Variants in GABBR1 observed in about 807,000 individuals in gnomAD.
GABBR1 encodes gamma-aminobutyric acid type B receptor subunit 1.
A neutral mutation model predicts 117.7 loss-of-function variants in GABBR1; 35 were observed. That is an observed-to-expected ratio of 0.30 (90% CI 0.23 to 0.39). The LOEUF (loss-of-function observed/expected upper bound fraction) is 0.39. Ranked by LOEUF, GABBR1 falls within the 10% of genes least tolerant of loss-of-function variation. The pLI is 1.00. For synonymous variants in GABBR1, 442 were observed against 486.6 expected (o/e 0.91, Z 1.21); for missense variants, 709 against 1,241.8 (o/e 0.57, Z 6.45).
At chr6:29,615,907 A>C (rs1763041340) in intron 11 of GABBR1, among the ~76,000 whole-genome samples, 1 of 152,060 alleles carries the variant, frequency 6.6e-6, no homozygotes, top group Admixed American at 6.5e-5. Context: ...TCTCTATGAA[A>C]AATACAAAAA....
Position 29,611,213 on chromosome 6 carries a change from A to G in GABBR1, c.1631-212T>C. On this transcript the variant is annotated intron_variant, in intron 13 of 22. Coordinates refer to ENST00000377034, the MANE Select transcript of GABBR1 (RefSeq NM_001470.4). The surrounding 1 kb of genome is among the most constrained non-coding windows in gnomAD (Gnocchi z 4.6). Reference sequence around the variant, plus strand: ...AGGTGGTTCCCAAGACAACTCAAATAAATAAGAATATCTATGTTTAAAAGT... The same window carrying G: ...AGGTGGTTCCCAAGACAACTCAAATGAATAAGAATATCTATGTTTAAAAGT... 2.0e-6 allele frequency: 1 copy of G among 498,936 alleles called. No individual in the cohort carries two copies. Among genetic ancestry groups the G allele is most frequent in the Non-Finnish European group, 3.6e-6 (1 of 280,436 alleles). The allele number at this position is 498,936 out of a possible 1,614,324, so 30.9% of individuals were successfully genotyped here. A position where few individuals can be genotyped will look rare whatever the true frequency, so the allele number is the denominator to read the frequency against.
At position 29,605,644 on chromosome 6, in the gene GABBR1, A is replaced by T. The variant is rs1761866735; in HGVS notation, c.2364T>A (p.Ala788=). 1 of 1,613,038 alleles carries T rather than the reference A, an allele frequency of 6.2e-7. No individual in the cohort carries two copies. The highest frequency in any genetic ancestry group is 8.5e-7 in the Non-Finnish European group (1 of 1,180,032). ...CAGTGGACACACTCTTGGTCTCATAAGCAAGGAAGATTCCCAGCAGCAGCA... is the reference window on the plus strand; with the variant it reads ...CAGTGGACACACTCTTGGTCTCATATGCAAGGAAGATTCCCAGCAGCAGCA... The part of the protein sequence containing the change: ...GLLLLLGIFL[A]YETKSVSTEK... The change falls in exon 20 of 23, where the codon GCT becomes GCA. Residue 788 remains alanine, a synonymous_variant. Transcript: ENST00000377034. This position sits in a 1 kb window ranked among gnomAD's most constrained non-coding sequence, Gnocchi z 4.2.
chr6:29,623,209 T>G lies in GABBR1; in HGVS notation c.963+96A>C, dbSNP rs1306380346. On this transcript the variant is annotated intron_variant, in intron 8 of 22. Coordinates refer to ENST00000377034, the MANE Select transcript of GABBR1 (RefSeq NM_001470.4). This position sits in a 1 kb window ranked among gnomAD's most constrained non-coding sequence, Gnocchi z 6.2. ...GAATGCGTTCTCTTTCAATGAAGAA[T>G]CAAGTTCTTGCCCCTAAAAGTGACT... 1.8e-6 allele frequency: 2 copies of G among 1,094,620 alleles called. No individual in the cohort carries two copies. The highest frequency in any genetic ancestry group is 3.1e-5 in the African/African-American group (2 of 63,628). 67.8% of individuals were successfully genotyped at this position (1,094,620 alleles called of 1,614,324 possible). A position where few individuals can be genotyped will look rare whatever the true frequency, so the allele number is the denominator to read the frequency against.
chr6:29,629,240 G>T (rs773059543), intron 4 of GABBR1, 133 bp from the exon 5 acceptor site: 1 of 998,192 alleles, frequency 1.0e-6, no homozygotes, highest in South Asian at 1.3e-5. Context: ...TTTCTGAGGG[G>T]AGGGTGCCTG....
In GABBR1 at chr6:29,603,672, C is replaced by T. The variant is rs1360040528; in HGVS notation, c.2757G>A (p.Arg919=). ...VSELRHQLQS[R]QQLRSRRHPP... Reference sequence around the variant, plus strand: ...GGTGGCGCCGGGAGCGGAGCTGCTGCCGAGACTGGAGTTGATGGCGCAGTT... The same window carrying T: ...GGTGGCGCCGGGAGCGGAGCTGCTGTCGAGACTGGAGTTGATGGCGCAGTT... The change falls in exon 23 of 23, where the codon CGG becomes CGA. Residue 919 remains arginine, a synonymous_variant. Coordinates refer to ENST00000377034, the MANE Select transcript of GABBR1 (RefSeq NM_001470.4). 12 of 1,513,134 alleles carry T rather than the reference C, an allele frequency of 7.9e-6. No individual in the cohort carries two copies. The highest frequency in any genetic ancestry group is 1.4e-5 in the African/African-American group (1 of 71,506). 93.7% of individuals were successfully genotyped at this position (1,513,134 alleles called of 1,614,324 possible). A position where few individuals can be genotyped will look rare whatever the true frequency, so the allele number is the denominator to read the frequency against.
In GABBR1 at chr6:29,632,303, T is replaced by C; in HGVS notation, c.83A>G (p.Glu28Gly). The change falls in exon 2 of 23, where the codon GAA becomes GGA. Residue 28 changes from glutamate to glycine, a missense_variant and splice_region_variant. Coordinates refer to ENST00000377034, the MANE Select transcript of GABBR1 (RefSeq NM_001470.4). The surrounding 1 kb of genome is among the most constrained non-coding windows in gnomAD (Gnocchi z 5.8). Reference protein sequence around the residue: ...GGAQTPNATSEGCQIIHPPWE... With the variant: ...GGAQTPNATSGGCQIIHPPWE... ...GAGGTCGTCGAAGAAGGATGCACCT[T>C]CTGAGGTGGCGTTGGGGGTCTGCGC... The C allele has an allele frequency of 7.3e-7, 1 of 1,378,108 alleles. No individual in the cohort carries two copies. Among genetic ancestry groups the C allele is most frequent in the Non-Finnish European group, 9.4e-7 (1 of 1,062,600 alleles). The allele number at this position is 1,378,108 out of a possible 1,614,324, so 85.4% of individuals were successfully genotyped here. A position where few individuals can be genotyped will look rare whatever the true frequency, so the allele number is the denominator to read the frequency against.
chr6:29,603,000 T>C lies in GABBR1; in HGVS notation c.*543A>G. 2.2e-6 allele frequency: 1 copy of C among 456,820 alleles called. No homozygotes were observed. Among genetic ancestry groups the C allele is most frequent in the South Asian group, 1.5e-5 (1 of 64,574 alleles). 28.3% of individuals were successfully genotyped at this position (456,820 alleles called of 1,614,324 possible). ...AGCAGAGGCAAGGAGCATGTGAGCC[T>C]TGGCGAAAAGAATGAGCTCCCAAAG... On this transcript the variant is annotated 3_prime_UTR_variant, in exon 23 of 23. Transcript: ENST00000377034.
chr6:29,617,591 C>T (rs1249185234), intron 11 of GABBR1, among the ~76,000 whole-genome samples: 5 of 152,158 alleles, frequency 3.3e-5, no homozygotes, highest in Admixed American at 1.3e-4. Context: ...TGAGCCACCG[C>T]GCCCAGCCTC....
rs1312519961 is a variant in GABBR1 at position 29,630,762 on chromosome 6, CAT to C, written c.290-121_290-120del. On this transcript the variant is annotated intron_variant, in intron 3 of 22. Transcript: ENST00000377034. This position sits in a 1 kb window ranked among gnomAD's most constrained non-coding sequence, Gnocchi z 4.9. ...AAGCATCCTGCTCTAAAGAAAATCA[CAT>C]GTGAAAAGGATTTGCCTACCTATCT... The C allele has an allele frequency of 7.4e-5, 57 of 767,392 alleles. No homozygotes were observed. In the Admixed American group the frequency reaches 1.6e-3, roughly 22 times the overall value. 47.5% of individuals were successfully genotyped at this position (767,392 alleles called of 1,614,324 possible). A position where few individuals can be genotyped will look rare whatever the true frequency, so the allele number is the denominator to read the frequency against.
In GABBR1 at chr6:29,606,474, T is replaced by G; in HGVS notation, c.2228A>C (p.Lys743Thr). Residue 743 changes from lysine to threonine, a missense_variant, in exon 19 of 23, where the codon AAG becomes ACG. Physicochemically the swap from Lys to Thr is moderately conservative, Grantham distance 78. This residue lies in a region of GABBR1 where 251 missense variants were observed against 445.3 expected (regional missense o/e 0.56). Transcript: ENST00000377034. The surrounding 1 kb of genome is among the most constrained non-coding windows in gnomAD (Gnocchi z 4.5). ...GTCAATATCTTCCTTAGGTTCCTCCTTGGCAAATGTCTAGGGCAGAAACAA... is the reference window on the plus strand; with the variant it reads ...GTCAATATCTTCCTTAGGTTCCTCCGTGGCAAATGTCTAGGGCAGAAACAA... ...PLHRTIETFA[K>T]EEPKEDIDVS... is the part of the protein sequence containing the mutation. The G allele has an allele frequency of 1.2e-6, 2 of 1,611,416 alleles. No individual in the cohort carries two copies. The highest frequency in any genetic ancestry group is 1.7e-6 in the Non-Finnish European group (2 of 1,178,454).
In GABBR1 at chr6:29,613,127, G is replaced by A. The variant is rs1762725650; in HGVS notation, c.1566+116C>T. The A allele has an allele frequency of 1.8e-6, 2 of 1,140,772 alleles. No individual in the cohort carries two copies. Among genetic ancestry groups the A allele is most frequent in the East Asian group, 4.7e-5 (2 of 42,206 alleles). 70.7% of individuals were successfully genotyped at this position (1,140,772 alleles called of 1,614,324 possible). On this transcript the variant is annotated intron_variant, in intron 12 of 22. Transcript: ENST00000377034. The surrounding 1 kb of genome is among the most constrained non-coding windows in gnomAD (Gnocchi z 4.1). ...GTCCCTACTTCTCTGGTCGGAGACT[G>A]ATTCTGCAAAGAAGTAACTGAGAAA...
Position 29,604,536 on chromosome 6 carries a change from C to G in GABBR1, c.2670G>C (p.Leu890=). 6.2e-7 allele frequency: 1 copy of G among 1,613,338 alleles called. No homozygotes were observed. Among genetic ancestry groups the G allele is most frequent in the Non-Finnish European group, 8.5e-7 (1 of 1,180,048 alleles). ...CCAGTTCACGGTTCTCCTTCTCCAA[C>G]AGCCGGGACTTCTCCTCCTCGTTGT... ...TNNNEEEKSR[L]LEKENRELEK... The change falls in exon 22 of 23, where the codon CTG becomes CTC. Residue 890 remains leucine, a synonymous_variant. Transcript: ENST00000377034. The surrounding 1 kb of genome is among the most constrained non-coding windows in gnomAD (Gnocchi z 5.3).
chr6:29,619,813 T>C (rs910863086), intron 11 of GABBR1, among the ~76,000 whole-genome samples: 1 of 152,248 alleles, frequency 6.6e-6, no homozygotes, highest in Non-Finnish European at 1.5e-5. Context: ...TCTTGGGTAC[T>C]CTACAGGAAA....
intron 11 of GABBR1, among the ~76,000 whole-genome samples, chr6:29,618,798 A>C (rs1763442227): frequency 6.6e-6 from 1 of 152,228 alleles, no homozygotes; most frequent in African/African-American, 2.4e-5. Flanking sequence ...CATTTTGAGC[A>C]AGATAATTCT....
At chr6:29,624,063 G>A in intron 6 of GABBR1, 39 bp from the exon 7 acceptor site, 1 of 1,552,286 alleles carries the variant, frequency 6.4e-7, no homozygotes, top group East Asian at 2.3e-5. Flanking sequence ...CTCTCCTGGG[G>A]CCCCTCCCCT....
chr6:29,621,186 T>C lies in GABBR1; in HGVS notation c.1238A>G (p.Asp413Gly). ...IYDPSINCTV[D>G]EMTEAVEGHI... ...GCCCTCCACCGCCTCAGTCATCTCA[T>C]CCACTGTGCAGTTGATAGAAGGGTC... The change falls in exon 11 of 23, where the codon GAT becomes GGT. Residue 413 changes from aspartate (D) to glycine (G), a missense_variant. Asp to Gly is a moderately conservative substitution (Grantham distance 94). Around this residue, in one of 9 missense-constraint regions of GABBR1, gnomAD observed 192 missense variants for 418.4 expected, o/e 0.46. Transcript: ENST00000377034. The surrounding 1 kb of genome is among the most constrained non-coding windows in gnomAD (Gnocchi z 5.0). The C allele has an allele frequency of 6.2e-7, 1 of 1,613,056 alleles. No homozygotes were observed. Among genetic ancestry groups the C allele is most frequent in the Non-Finnish European group, 8.5e-7 (1 of 1,180,024 alleles).
Position 29,614,981 on chromosome 6 carries a change from C to CAAAA in GABBR1, c.1324-1500_1324-1497dup, listed in dbSNP as rs202165362. ...ATTCTGCTGGGAAACTAAAACTGCTCAAAAAAAAAAAAAAAAAAAAAAGGC... is the reference window on the plus strand; with the variant it reads ...ATTCTGCTGGGAAACTAAAACTGCTCAAAAAAAAAAAAAAAAAAAAAAAAAAGGC... On this transcript the variant is annotated intron_variant, in intron 11 of 22. Coordinates refer to ENST00000377034, the MANE Select transcript of GABBR1 (RefSeq NM_001470.4). Among the ~76,000 whole-genome samples, 153 of 80,948 alleles carry CAAAA rather than the reference C, an allele frequency of 1.9e-3. 2 individuals are homozygous for CAAAA. The highest frequency in any genetic ancestry group is 5.4e-3 in the African/African-American group (98 of 18,312). 53.1% of individuals were successfully genotyped at this position (80,948 alleles called of 152,430 possible). A position where few individuals can be genotyped will look rare whatever the true frequency, so the allele number is the denominator to read the frequency against.
intron 6 of GABBR1, among the ~76,000 whole-genome samples, chr6:29,625,793 A>C (rs770717532): frequency 5.3e-5 from 8 of 152,196 alleles, no homozygotes; most frequent in African/African-American, 7.2e-5. Context: ...GTGATCCCCT[A>C]TCATAAAGCC....
chr6:29,613,299 T>C lies in GABBR1; in HGVS notation c.1510A>G (p.Thr504Ala), dbSNP rs759008125. Residue 504 changes from threonine to alanine, a missense_variant, in exon 12 of 23, where the codon ACC becomes GCC. Thr to Ala is a moderately conservative substitution (Grantham distance 58). Around this residue, in one of 9 missense-constraint regions of GABBR1, gnomAD observed 38 missense variants for 47.7 expected, o/e 0.80. Coordinates refer to ENST00000377034, the MANE Select transcript of GABBR1 (RefSeq NM_001470.4). This position sits in a 1 kb window ranked among gnomAD's most constrained non-coding sequence, Gnocchi z 4.1. ...RLEDFNYNNQTITDQIYRAMN... is the reference protein window; with the variant it reads ...RLEDFNYNNQAITDQIYRAMN... ...GCCCGGTAGATTTGGTCGGTAATGG[T>C]CTGGTTGTTGTAGTTGAAGTCCTCC... is the stretch of plus-strand genomic sequence containing the variant. 1.1e-5 allele frequency: 18 copies of C among 1,612,974 alleles called. No homozygotes were observed. Among genetic ancestry groups the C allele is most frequent in the Non-Finnish European group, 1.5e-5 (18 of 1,179,998 alleles).
Sources: gnomAD v4.1 joint callset for allele counts (sites outside exome capture counted in the v4.1 genomes callset) on GRCh38, gnomAD v4.1.1 for gene constraint, gnomAD v4.1.1 regional missense constraint, Gnocchi (gnomAD v3.1) non-coding constraint, MANE v1.5 for transcripts, NCBI Gene and HGNC (gene_info 2026-07-23, HGNC 2026-07-21) for gene names.